The following ABTB3 variants were observed in gnomAD, a reference collection of about 807,000 sequenced individuals.
The protein encoded by ABTB3 is ankyrin repeat and BTB domain containing 3.
chr12:107,390,847 C>A, the ABTB3 span, among the ~76,000 whole-genome samples: 3 of 152,166 alleles, frequency 2.0e-5, no homozygotes, highest in African/African-American at 7.2e-5. Flanking sequence ...AAGCACTTTC[C>A]ATGAATTAAT....
chr12:107,492,002 CA>C, the ABTB3 span, among the ~76,000 whole-genome samples: 83 of 151,652 alleles, frequency 5.5e-4, no homozygotes, highest in Admixed American at 4.9e-3. Context: ...TCCATCTCCC[CA>C]GGAGATGGCT....
the ABTB3 span, among the ~76,000 whole-genome samples, chr12:107,345,654 G>A: frequency 6.6e-6 from 1 of 152,170 alleles, no homozygotes; most frequent in South Asian, 2.1e-4. Flanking sequence ...CTAGAGTGGA[G>A]GAGGGACTGA....
the ABTB3 span, among the ~76,000 whole-genome samples, chr12:107,407,918 T>C: frequency 6.6e-6 from 1 of 152,016 alleles, no homozygotes; most frequent in Non-Finnish European, 1.5e-5. Context: ...CCAGGAACGT[T>C]GTACAGTGAT....
At chr12:107,533,349 A>G in the ABTB3 span, among the ~76,000 whole-genome samples, 1 of 152,188 alleles carries the variant, frequency 6.6e-6, no homozygotes, top group Non-Finnish European at 1.5e-5. Context: ...ATAAAAAAGT[A>G]AGACCCAGCT....
chr12:107,447,710 G>T, the ABTB3 span, among the ~76,000 whole-genome samples: 3 of 152,148 alleles, frequency 2.0e-5, no homozygotes, highest in Admixed American at 6.5e-5. Flanking sequence ...GAGCTCACAG[G>T]TCAACCCATG....
chr12:107,320,992 G>A, the ABTB3 span, among the ~76,000 whole-genome samples: 655 of 152,322 alleles, frequency 4.3e-3, 7 homozygotes, highest in African/African-American at 0.015. Context: ...GTCCTTGAAG[G>A]GGGTGGGGCC....
chr12:107,508,133 T>A, the ABTB3 span, among the ~76,000 whole-genome samples: 1 of 151,774 alleles, frequency 6.6e-6, no homozygotes, highest in Non-Finnish European at 1.5e-5. Flanking sequence ...TATAGATGAA[T>A]AGATAGATGA....
At chr12:107,396,531 A>C in the ABTB3 span, among the ~76,000 whole-genome samples, 3 of 152,032 alleles carry the variant, frequency 2.0e-5, no homozygotes, top group Non-Finnish European at 2.9e-5. Context: ...GACAAGGTAA[A>C]CCCAATCTGT....
chr12:107,656,289 A>G, the ABTB3 span, among the ~76,000 whole-genome samples: 1 of 138,272 alleles, frequency 7.2e-6, no homozygotes, highest in Non-Finnish European at 1.5e-5. Flanking sequence ...CCACAGAGTG[A>G]GGCTCTGTCA....
the ABTB3 span, among the ~76,000 whole-genome samples, chr12:107,438,015 T>A: frequency 2.0e-5 from 3 of 152,122 alleles, no homozygotes; most frequent in African/African-American, 7.2e-5. Flanking sequence ...GCATTTTGCC[T>A]GTTTTTCTCT....
chr12:107,388,971 G>T, the ABTB3 span, among the ~76,000 whole-genome samples: 1 of 133,250 alleles, frequency 7.5e-6, no homozygotes, highest in Non-Finnish European at 1.7e-5. Flanking sequence ...CAGAGGAAAA[G>T]CATCAAGTTT....
chr12:107,440,964 A>C, the ABTB3 span, among the ~76,000 whole-genome samples: 1 of 152,098 alleles, frequency 6.6e-6, no homozygotes, highest in Non-Finnish European at 1.5e-5. Context: ...GCTGGAAGTG[A>C]CTTGCTCAGA....
At chr12:107,476,260 G>C in the ABTB3 span, among the ~76,000 whole-genome samples, 1 of 152,146 alleles carries the variant, frequency 6.6e-6, no homozygotes, top group Non-Finnish European at 1.5e-5. Context: ...CTACCAAGCT[G>C]GGTCTCTACC....
the ABTB3 span, among the ~76,000 whole-genome samples, chr12:107,553,342 G>A: frequency 1.3e-5 from 2 of 152,194 alleles, no homozygotes; most frequent in Admixed American, 1.3e-4. Flanking sequence ...GGAGCAGATA[G>A]CCTTACCTCT....
chr12:107,557,522 T>A, the ABTB3 span, among the ~76,000 whole-genome samples: 2 of 152,216 alleles, frequency 1.3e-5, no homozygotes, highest in Non-Finnish European at 2.9e-5. Flanking sequence ...TCATTTTTCA[T>A]TTTATTTTAA....
chr12:107,507,183 G>A, the ABTB3 span, among the ~76,000 whole-genome samples: 1 of 152,134 alleles, frequency 6.6e-6, no homozygotes, highest in Non-Finnish European at 1.5e-5. Context: ...GGGGCAAGGA[G>A]GATACAGCCA....
the ABTB3 span, among the ~76,000 whole-genome samples, chr12:107,532,527 C>G: frequency 2.6e-5 from 4 of 152,186 alleles, no homozygotes; most frequent in Admixed American, 1.3e-4. Context: ...ATAGATACAT[C>G]TACAGCAAAA....
At chr12:107,638,294 A>C in the ABTB3 span, among the ~76,000 whole-genome samples, 1 of 152,068 alleles carries the variant, frequency 6.6e-6, no homozygotes, top group Non-Finnish European at 1.5e-5. Flanking sequence ...GAGTGAAGAG[A>C]ATCAGTCTGG....
the ABTB3 span, chr12:107,610,400 T>C: frequency 2.5e-6 from 4 of 1,604,342 alleles, no homozygotes; most frequent in African/African-American, 4.0e-5. Context: ...CTCCTCCATG[T>C]GCATCACCCC....
Sources: allele counts gnomAD v4.1 joint callset (sites outside exome capture counted in the v4.1 genomes callset), GRCh38; gene constraint gnomAD v4.1.1; transcripts MANE v1.5; gene names NCBI Gene and HGNC (gene_info 2026-07-23, HGNC 2026-07-21).